The following NEMP2 variants were observed in gnomAD, a reference collection of about 807,000 sequenced individuals.
The protein encoded by NEMP2 is UPF0571 transmembrane protein.
A neutral mutation model predicts 54.2 loss-of-function variants in NEMP2; 53 were observed. The ratio of observed to expected loss-of-function variants is 0.98; its 90% confidence interval spans 0.78 to 1.23. NEMP2 has a LOEUF of 1.23. Ranked by LOEUF, NEMP2 falls within the 50% of genes most tolerant of loss-of-function variation. The pLI is 0.00. For synonymous variants in NEMP2, 197 were observed against 190.3 expected (o/e 1.04, Z -0.29); for missense variants, 455 against 511.3 (o/e 0.89, Z 1.06).
chr2:190,447,748 T>C, the NEMP2 span, among the ~76,000 whole-genome samples: 120 of 152,318 alleles, frequency 7.9e-4, no homozygotes, highest in African/African-American at 2.7e-3. This position sits in a 1 kb window ranked among gnomAD's most constrained non-coding sequence, Gnocchi z 4.5. Flanking sequence ...CCCTTGGAGC[T>C]ATTTAAAATA....
chr2:190,540,691 A>C, the NEMP2 span, among the ~76,000 whole-genome samples: 3 of 152,066 alleles, frequency 2.0e-5, no homozygotes, highest in Admixed American at 1.3e-4. Context: ...TGTAGTTTTC[A>C]TTTTTGTGTG....
chr2:190,541,939 T>C, the NEMP2 span, among the ~76,000 whole-genome samples: 4 of 152,170 alleles, frequency 2.6e-5, no homozygotes, highest in Non-Finnish European at 5.9e-5. This position sits in a 1 kb window ranked among gnomAD's most constrained non-coding sequence, Gnocchi z 5.2. Flanking sequence ...ATGGTTTTTG[T>C]TGAGAAGTCT....
At chr2:190,607,198 A>G in the NEMP2 span, among the ~76,000 whole-genome samples, 1 of 152,212 alleles carries the variant, frequency 6.6e-6, no homozygotes, top group Non-Finnish European at 1.5e-5. The surrounding 1 kb of genome is among the most constrained non-coding windows in gnomAD (Gnocchi z 5.2). Context: ...AGGGTTTGAC[A>G]GGAGAGGATA....
rs938132189 is a variant in NEMP2 at position 190,525,412 on chromosome 2, T to C, written c.98-34A>G. 118 of 1,246,930 alleles carry C rather than the reference T, an allele frequency of 9.5e-5. No individual in the cohort carries two copies. Among genetic ancestry groups the C allele is most frequent in the Admixed American group, 3.6e-4 (16 of 45,032 alleles). The allele number at this position is 1,246,930 out of a possible 1,614,324, so 77.2% of individuals were successfully genotyped here. On this transcript the variant is annotated intron_variant, in intron 1 of 8. Transcript: ENST00000409150. This position sits in a 1 kb window ranked among gnomAD's most constrained non-coding sequence, Gnocchi z 5.0. ...TGGAAAAGGGAATGCATTTTCTAAC[T>C]GTTTAATTGCCCAGAATCTTTTTTA... is the stretch of plus-strand genomic sequence containing the variant.
At chr2:190,469,887 T>C in the NEMP2 span, 2 of 1,496,506 alleles carry the variant, frequency 1.3e-6, no homozygotes, top group Non-Finnish European at 1.9e-6. The surrounding 1 kb of genome is among the most constrained non-coding windows in gnomAD (Gnocchi z 5.3). Flanking sequence ...AAATTATTTC[T>C]CTGCCTTCCC....
the NEMP2 span, among the ~76,000 whole-genome samples, chr2:190,474,233 A>C: frequency 1.3e-5 from 2 of 152,070 alleles, no homozygotes; most frequent in South Asian, 2.1e-4. Flanking sequence ...AACTGAAGGA[A>C]ATAGAGACAC....
chr2:190,579,374 T>C, the NEMP2 span, among the ~76,000 whole-genome samples: 1 of 141,896 alleles, frequency 7.0e-6, no homozygotes, highest in Non-Finnish European at 1.5e-5. Flanking sequence ...TAAAATGTGA[T>C]ATGTGTCATA....
upstream of NEMP2, chr2:190,534,750 G>C (rs540302657): frequency 1.1e-6 from 1 of 937,328 alleles, no homozygotes; most frequent in South Asian, 4.7e-5. Context: ...AAGGCGGAGG[G>C]GGCGGTGAGG....
downstream of NEMP2, chr2:190,502,098 A>G (rs1690050694): frequency 6.6e-6 from 1 of 152,582 alleles, no homozygotes; most frequent in Non-Finnish European, 1.5e-5. The surrounding 1 kb of genome is among the most constrained non-coding windows in gnomAD (Gnocchi z 4.4). Flanking sequence ...AATGATAAAG[A>G]TGTGACCAAA....
the NEMP2 span, among the ~76,000 whole-genome samples, chr2:190,441,702 C>G: frequency 6.6e-6 from 1 of 152,042 alleles, no homozygotes; most frequent in South Asian, 2.1e-4. Flanking sequence ...TACTCTGTCC[C>G]GCTTCCCAGA....
chr2:190,514,562 G>T lies in NEMP2; in HGVS notation c.844C>A (p.Leu282Met). Residue 282 changes from leucine (L) to methionine (M), a missense_variant, in exon 7 of 9, where the codon CTG becomes ATG. Leu to Met is a conservative substitution (Grantham distance 15, BLOSUM62 2). Coordinates refer to ENST00000409150, the MANE Select transcript of NEMP2 (RefSeq NM_001142645.2). The surrounding 1 kb of genome is among the most constrained non-coding windows in gnomAD (Gnocchi z 5.7). Reference sequence around the variant, plus strand: ...GGCACGGCCACACCAGCATAGACCAGAACCAGGGAGAGGAGTCGCAGCATC... The same window carrying T: ...GGCACGGCCACACCAGCATAGACCATAACCAGGGAGAGGAGTCGCAGCATC... The part of the protein sequence containing the change: ...MWMLRLLSLV[L>M]VYAGVAVPQF... 1 of 1,551,748 alleles carries T rather than the reference G, an allele frequency of 6.4e-7. No individual in the cohort carries two copies. The highest frequency in any genetic ancestry group is 8.7e-7 in the Non-Finnish European group (1 of 1,146,994).
the NEMP2 span, among the ~76,000 whole-genome samples, chr2:190,467,123 G>A: frequency 2.6e-5 from 4 of 152,196 alleles, no homozygotes; most frequent in Non-Finnish European, 5.9e-5. The surrounding 1 kb of genome is among the most constrained non-coding windows in gnomAD (Gnocchi z 5.5). Flanking sequence ...ATTGTTTTAT[G>A]ATGGGATTAT....
At chr2:190,474,741 A>G in the NEMP2 span, among the ~76,000 whole-genome samples, 1 of 152,254 alleles carries the variant, frequency 6.6e-6, no homozygotes, top group African/African-American at 2.4e-5. Flanking sequence ...CCTGATACCA[A>G]AGCCTGGCAC....
At chr2:190,609,933 T>C in the NEMP2 span, 2 of 152,174 alleles carry the variant, frequency 1.3e-5, no homozygotes, top group Non-Finnish European at 2.9e-5. This position sits in a 1 kb window ranked among gnomAD's most constrained non-coding sequence, Gnocchi z 4.7. Flanking sequence ...GCTGTTTTCT[T>C]CTAAAGTTTA....
the NEMP2 span, among the ~76,000 whole-genome samples, chr2:190,619,485 G>T: frequency 6.6e-6 from 1 of 151,666 alleles, no homozygotes; most frequent in African/African-American, 2.4e-5. This position sits in a 1 kb window ranked among gnomAD's most constrained non-coding sequence, Gnocchi z 5.5. Context: ...GGGTGACAGA[G>T]TAAGACCCTG....
At position 190,522,224 on chromosome 2, in the gene NEMP2, A is replaced by G. The variant is rs920168986; in HGVS notation, c.213+3039T>C. 1.4e-4 allele frequency among the ~76,000 whole-genome samples: 21 copies of G among 152,292 alleles called. No homozygotes were observed. Among genetic ancestry groups the G allele is most frequent in the African/African-American group, 4.8e-4 (20 of 41,562 alleles). On this transcript the variant is annotated intron_variant, in intron 2 of 8. Coordinates refer to ENST00000409150, the MANE Select transcript of NEMP2 (RefSeq NM_001142645.2). The surrounding 1 kb of genome is among the most constrained non-coding windows in gnomAD (Gnocchi z 5.0). ...AACAACAGACAACTGGGGACTTCAG[A>G]AGGTGGTTGGGAGAGGGGCAAGGGT...
the NEMP2 span, among the ~76,000 whole-genome samples, chr2:190,633,965 G>A: frequency 6.6e-6 from 1 of 151,984 alleles, no homozygotes; most frequent in Non-Finnish European, 1.5e-5. Context: ...GTAGCTATTC[G>A]GGAGGCTGAG....
the NEMP2 span, among the ~76,000 whole-genome samples, chr2:190,423,593 TAA>T: frequency 6.6e-6 from 1 of 152,252 alleles, no homozygotes; most frequent in Non-Finnish European, 1.5e-5. This position sits in a 1 kb window ranked among gnomAD's most constrained non-coding sequence, Gnocchi z 4.3. Context: ...AAAGCTGCTA[TAA>T]ACATTTATGC....
chr2:190,456,462 A>G, the NEMP2 span, among the ~76,000 whole-genome samples: 1 of 152,136 alleles, frequency 6.6e-6, no homozygotes, highest in Non-Finnish European at 1.5e-5. This position sits in a 1 kb window ranked among gnomAD's most constrained non-coding sequence, Gnocchi z 5.4. Context: ...GAATTGAGGA[A>G]TGGAAAAGAT....
Sources: allele counts gnomAD v4.1 joint callset (sites outside exome capture counted in the v4.1 genomes callset), GRCh38; gene constraint gnomAD v4.1.1; non-coding constraint Gnocchi (gnomAD v3.1); transcripts MANE v1.5; gene names NCBI Gene and HGNC (gene_info 2026-07-23, HGNC 2026-07-21).